The following CRYM variants were observed in gnomAD, a reference collection of about 807,000 sequenced individuals.
CRYM encodes crystallin mu.
Under a neutral mutation model 32.9 loss-of-function variants are expected in CRYM, and 18 were observed. The observed-to-expected ratio is 0.55, with a 90% confidence interval of 0.38 to 0.81. The LOEUF (loss-of-function observed/expected upper bound fraction) is 0.81, where lower values mean the gene tolerates loss of function less well. CRYM is among the 30% of genes least tolerant of loss of function. CRYM has a pLI of 0.00. For synonymous variants in CRYM, 153 were observed against 152.4 expected (o/e 1.00, Z -0.03); for missense variants, 337 against 393.5 (o/e 0.86, Z 1.21).
chr16:21,301,667 C>T (rs568978797), intron 1 of CRYM, among the ~76,000 whole-genome samples: 1 of 152,334 alleles, frequency 6.6e-6, no homozygotes, highest in South Asian at 2.1e-4. Flanking sequence ...ACAGCTTCAC[C>T]CGCACCTCCT....
At position 21,277,575 on chromosome 16, in the gene CRYM, C is replaced by T. The variant is rs1265834217; in HGVS notation, c.180G>A (p.Gly60=). 3 of 1,613,806 alleles carry T rather than the reference C, an allele frequency of 1.9e-6. No homozygotes were observed. Among genetic ancestry groups the T allele is most frequent in the Non-Finnish European group, 2.5e-6 (3 of 1,179,984 alleles). ...VPVTKHRGYL[G]VMPAYSAAED... Reference sequence around the variant, plus strand: ...CTGCAGCACTGTAGGCGGGCATGACCCCCAGGTAGCTACAAGGAGAGAGGG... The same window carrying T: ...CTGCAGCACTGTAGGCGGGCATGACTCCCAGGTAGCTACAAGGAGAGAGGG... Residue 60 remains glycine (G), a synonymous_variant, in exon 2 of 8, where the codon GGG becomes GGA. Transcript: ENST00000572914. This position sits in a 1 kb window ranked among gnomAD's most constrained non-coding sequence, Gnocchi z 4.2.
At chr16:21,267,365 T>TG (rs532984098) in intron 5 of CRYM, among the ~76,000 whole-genome samples, 189 bp downstream of exon 5, 176 of 152,324 alleles carry the variant, frequency 1.2e-3, no homozygotes, top group Non-Finnish European at 1.3e-3. Context: ...CCCAAAGTGC[T>TG]GGGATTACAG....
At chr16:21,270,564 G>A (rs561459698) in intron 3 of CRYM, among the ~76,000 whole-genome samples, 17 of 152,264 alleles carry the variant, frequency 1.1e-4, no homozygotes, top group African/African-American at 2.9e-4. Context: ...GATTACAGAC[G>A]TGAGCCACCG....
At chr16:21,281,209 T>TACATATATAC (rs1460204645), upstream of CRYM, among the ~76,000 whole-genome samples, 16 of 151,066 alleles carry the variant, frequency 1.1e-4, no homozygotes, top group Admixed American at 2.0e-4. Flanking sequence ...GATATGTATA[T>TACATATATAC]GTATCTATGT....
At chr16:21,281,077 C>T (rs2152863737), upstream of CRYM, among the ~76,000 whole-genome samples, 1 of 151,442 alleles carries the variant, frequency 6.6e-6, no homozygotes, top group Admixed American at 6.6e-5. Flanking sequence ...TGCACTCCAG[C>T]CTGGACAACA....
At chr16:21,286,398 T>C (rs75809144) in intron 1 of CRYM, among the ~76,000 whole-genome samples, 2,170 of 151,292 alleles carry the variant, frequency 0.014, 51 homozygotes, top group African/African-American at 0.049. Flanking sequence ...TTTTTTTTTT[T>C]TTTTGTATTT....
At chr16:21,264,476 G>T (rs2093360294) in intron 5 of CRYM, among the ~76,000 whole-genome samples, 1 of 152,154 alleles carries the variant, frequency 6.6e-6, no homozygotes, top group African/African-American at 2.4e-5. Flanking sequence ...AGTGAGGGTC[G>T]CAGACAGGCT....
intron 1 of CRYM, among the ~76,000 whole-genome samples, chr16:21,296,243 T>C (rs1960785888): frequency 1.3e-5 from 2 of 152,162 alleles, no homozygotes; most frequent in South Asian, 4.1e-4. Context: ...CAGCTGGAGT[T>C]TTTTAAGTAA....
chr16:21,288,802 A>G (rs1385232353), intron 1 of CRYM, among the ~76,000 whole-genome samples: 1 of 152,080 alleles, frequency 6.6e-6, no homozygotes, highest in Non-Finnish European at 1.5e-5. Flanking sequence ...GTTTTCATTC[A>G]TGTCAAAGTA....
At position 21,277,574 on chromosome 16, in the gene CRYM, C is replaced by A. The variant is rs1217745200; in HGVS notation, c.181G>T (p.Val61Phe). Residue 61 changes from valine to phenylalanine, a missense_variant, in exon 2 of 8, where the codon GTC becomes TTC. Physicochemically the swap from Val to Phe is conservative, Grantham distance 50. Transcript: ENST00000572914. The surrounding 1 kb of genome is among the most constrained non-coding windows in gnomAD (Gnocchi z 4.2). ...PVTKHRGYLG[V>F]MPAYSAAEDA... ...TCTGCAGCACTGTAGGCGGGCATGACCCCCAGGTAGCTACAAGGAGAGAGG... is the reference window on the plus strand; with the variant it reads ...TCTGCAGCACTGTAGGCGGGCATGAACCCCAGGTAGCTACAAGGAGAGAGG... 6.2e-7 allele frequency: 1 copy of A among 1,613,794 alleles called. No individual in the cohort carries two copies. Among genetic ancestry groups the A allele is most frequent in the Admixed American group, 1.7e-5 (1 of 60,024 alleles).
At chr16:21,284,053 C>T (rs2093403305) in intron 1 of CRYM, 2 of 152,226 alleles carry the variant, frequency 1.3e-5, no homozygotes, top group African/African-American at 4.8e-5. Context: ...AGGGGGCCCA[C>T]CCGCTGCCCG....
At chr16:21,292,888 T>G (rs2152865262) in intron 1 of CRYM, among the ~76,000 whole-genome samples, 2 of 152,264 alleles carry the variant, frequency 1.3e-5, no homozygotes, top group Middle Eastern at 6.8e-3. Flanking sequence ...GAAACCTTAT[T>G]ATAAAACTAC....
chr16:21,267,795 C>A (rs1281592325), intron 4 of CRYM, 58 bp from the exon 5 acceptor site: 3 of 1,570,740 alleles, frequency 1.9e-6, no homozygotes, highest in Non-Finnish European at 1.8e-6. Context: ...TTATGTTACA[C>A]TGAGCCCAGG....
chr16:21,282,641 T>C (rs2093400185), upstream of CRYM, among the ~76,000 whole-genome samples: 1 of 152,196 alleles, frequency 6.6e-6, no homozygotes, highest in African/African-American at 2.4e-5. Context: ...AGTAATTTCA[T>C]TATTTTAACA....
At chr16:21,294,869 G>A (rs1019815998) in intron 1 of CRYM, among the ~76,000 whole-genome samples, 4 of 151,528 alleles carry the variant, frequency 2.6e-5, no homozygotes, top group Non-Finnish European at 4.4e-5. Context: ...TAATTTTTTT[G>A]TATTTTTAGT....
upstream of CRYM, among the ~76,000 whole-genome samples, chr16:21,281,087 A>T (rs573623410): frequency 3.7e-4 from 55 of 150,528 alleles, no homozygotes; most frequent in East Asian, 7.9e-3. Flanking sequence ...CCTGGACAAC[A>T]GAGTGATTCT....
chr16:21,258,581 C>G lies in CRYM; in HGVS notation c.*200G>C. On this transcript the variant is annotated 3_prime_UTR_variant, in exon 8 of 8. Coordinates refer to ENST00000572914, the MANE Select transcript of CRYM (RefSeq NM_001376256.1). ...TAAAGGGAAATGAATGCTATTATAACTTGGTAGAACAGAAGAAATGGCTAC... is the reference window on the plus strand; with the variant it reads ...TAAAGGGAAATGAATGCTATTATAAGTTGGTAGAACAGAAGAAATGGCTAC... 6.5e-6 allele frequency: 4 copies of G among 620,078 alleles called. No individual in the cohort carries two copies. Among genetic ancestry groups the G allele is most frequent in the Non-Finnish European group, 1.2e-5 (4 of 347,328 alleles). The allele number at this position is 620,078 out of a possible 1,614,324, so 38.4% of individuals were successfully genotyped here.
intron 7 of CRYM, 47 bp downstream of exon 7, chr16:21,261,207 G>T: frequency 6.9e-7 from 1 of 1,444,164 alleles, no homozygotes; most frequent in Non-Finnish European, 9.7e-7. Context: ...GGGTGAACCT[G>T]CCTTGTGCGC....
At chr16:21,263,145 T>TA (rs1332987742) in intron 5 of CRYM, among the ~76,000 whole-genome samples, 1 of 152,186 alleles carries the variant, frequency 6.6e-6, no homozygotes, top group South Asian at 2.1e-4. Flanking sequence ...CTCATGCCTG[T>TA]AATCCTAACA....
Sources: gnomAD v4.1 joint callset for allele counts (sites outside exome capture counted in the v4.1 genomes callset) on GRCh38, gnomAD v4.1.1 for gene constraint, Gnocchi (gnomAD v3.1) non-coding constraint, MANE v1.5 for transcripts, NCBI Gene and HGNC (gene_info 2026-07-23, HGNC 2026-07-21) for gene names.